The following FOCAD variants were observed in gnomAD, a reference collection of about 807,000 sequenced individuals.
The protein encoded by FOCAD is KIAA1797.
FOCAD carries 198 observed loss-of-function variants against 225.6 expected under a neutral mutation model. The observed-to-expected ratio is 0.88, with a 90% CI of 0.78 to 0.99. The LOEUF (loss-of-function observed/expected upper bound fraction) is 0.99. FOCAD is among the 50% of genes least tolerant of loss of function. The pLI, the probability that FOCAD is intolerant of heterozygous loss-of-function variation, is 0.00. For missense variants in FOCAD, 2,713 were observed against 2,123.6 expected (o/e 1.28, Z -5.46); for synonymous variants, 897 against 755.0 (o/e 1.19, Z -3.08).
intron 21 of FOCAD, among the ~76,000 whole-genome samples, chr9:20,895,171 G>C (rs1171132626): frequency 6.6e-6 from 1 of 151,840 alleles, no homozygotes; most frequent in African/African-American, 2.4e-5. Context: ...CTGTTTCTTT[G>C]ATCTATTTCT....
chr9:20,885,683 A>G (rs921650364), intron 21 of FOCAD, among the ~76,000 whole-genome samples: 7 of 152,170 alleles, frequency 4.6e-5, no homozygotes, highest in African/African-American at 1.7e-4. Context: ...CCTTTCAGCT[A>G]CCTTTTAAAA....
intron 21 of FOCAD, among the ~76,000 whole-genome samples, chr9:20,894,669 C>A (rs1444164283): frequency 6.6e-6 from 1 of 152,006 alleles, no homozygotes; most frequent in Non-Finnish European, 1.5e-5. Flanking sequence ...ATTTTAAAAT[C>A]TGGTTGTTAG....
At chr9:20,838,255 C>T (rs913884915) in intron 15 of FOCAD, among the ~76,000 whole-genome samples, 26 of 151,588 alleles carry the variant, frequency 1.7e-4, no homozygotes, top group Admixed American at 1.5e-3. Flanking sequence ...ATTTAGATGA[C>T]ATTATACCAC....
chr9:20,771,556 C>G (rs1279133775), intron 8 of FOCAD, among the ~76,000 whole-genome samples: 2 of 152,056 alleles, frequency 1.3e-5, no homozygotes, highest in South Asian at 2.1e-4. Flanking sequence ...GCCAGGAGTT[C>G]GAGAGCAGCC....
At chr9:20,977,454 CTA>C (rs1840319744) in intron 36 of FOCAD, among the ~76,000 whole-genome samples, 1 of 152,108 alleles carries the variant, frequency 6.6e-6, no homozygotes, top group Non-Finnish European at 1.5e-5. Context: ...CCACAGCAAC[CTA>C]TTTTATACAG....
chr9:20,730,610 G>A (rs969983440), intron 4 of FOCAD, among the ~76,000 whole-genome samples: 4 of 152,092 alleles, frequency 2.6e-5, no homozygotes, highest in Non-Finnish European at 5.9e-5. Flanking sequence ...AAATCTTATT[G>A]CTATTCAGTG....
chr9:20,686,340 A>C lies in FOCAD; in HGVS notation c.-33+2047A>C, dbSNP rs531554797. Among the ~76,000 whole-genome samples the C allele has an allele frequency of 3.3e-5, 5 of 152,246 alleles. No homozygotes were observed. In the South Asian group the frequency reaches 1.0e-3, roughly 32 times the overall value. On this transcript the variant is annotated intron_variant, in intron 1 of 43. Transcript: ENST00000338382. ...CCCAGCTAATTTTTGTATTTTTAGT[A>C]GAGACGGAGTTTCACCATGTTGGCC...
intron 4 of FOCAD, among the ~76,000 whole-genome samples, chr9:20,721,499 C>T (rs1306888990): frequency 6.6e-6 from 1 of 151,916 alleles, no homozygotes. Context: ...GTCAGGAGTT[C>T]GAGACCAGCC....
At chr9:20,885,730 A>G (rs1345248788) in intron 21 of FOCAD, among the ~76,000 whole-genome samples, 1 of 152,206 alleles carries the variant, frequency 6.6e-6, no homozygotes, top group Non-Finnish European at 1.5e-5. Flanking sequence ...ATTTATATGA[A>G]ATCTGATTAT....
intron 33 of FOCAD, 72 bp from the exon 34 acceptor site, chr9:20,950,924 C>T (rs1837626071): frequency 1.5e-6 from 2 of 1,337,708 alleles, no homozygotes; most frequent in African/African-American, 1.4e-5. Flanking sequence ...TGGTGACTTT[C>T]TGTGAGTGAC....
intron 19 of FOCAD, 75 bp downstream of exon 19, chr9:20,874,882 A>G (rs2131796336): frequency 6.4e-7 from 1 of 1,555,940 alleles, no homozygotes; most frequent in Non-Finnish European, 8.9e-7. Flanking sequence ...CTTTTGTGAT[A>G]GGTACATAGT....
At chr9:20,858,331 G>A (rs991766123) in intron 15 of FOCAD, among the ~76,000 whole-genome samples, 4 of 152,014 alleles carry the variant, frequency 2.6e-5, no homozygotes, top group Non-Finnish European at 5.9e-5. Flanking sequence ...GGCCATATGT[G>A]TCTAAGAATT....
chr9:20,890,202 C>T (rs1831494180), intron 21 of FOCAD, among the ~76,000 whole-genome samples: 2 of 151,590 alleles, frequency 1.3e-5, no homozygotes, highest in African/African-American at 2.4e-5. Context: ...CTATCTAGGG[C>T]CATCATTACA....
chr9:20,772,973 T>C (rs1222775182), intron 8 of FOCAD, among the ~76,000 whole-genome samples: 1 of 37,410 alleles, frequency 2.7e-5, no homozygotes, highest in African/African-American at 1.0e-4. Flanking sequence ...ATAGATAGTA[T>C]ATAAATGCAT....
chr9:20,758,512 C>T (rs1171037361), intron 6 of FOCAD, among the ~76,000 whole-genome samples: 1 of 138,652 alleles, frequency 7.2e-6, no homozygotes, highest in East Asian at 2.4e-4. Flanking sequence ...CTATCCCTCC[C>T]CCCTCCCCCA....
chr9:20,659,936 G>C (rs1821662226), intron 2 of FOCAD, among the ~76,000 whole-genome samples: 1 of 152,144 alleles, frequency 6.6e-6, no homozygotes, highest in Admixed American at 6.6e-5. Context: ...TGGAGAGAGA[G>C]TGGATAAGTT....
chr9:20,788,110 C>A (rs913827807), intron 10 of FOCAD, among the ~76,000 whole-genome samples: 3 of 152,070 alleles, frequency 2.0e-5, no homozygotes, highest in Non-Finnish European at 4.4e-5. Flanking sequence ...ATAGTGTATC[C>A]ATACAATGGA....
intron 21 of FOCAD, among the ~76,000 whole-genome samples, chr9:20,887,358 C>G (rs1057048998): frequency 1.3e-5 from 2 of 152,070 alleles, no homozygotes; most frequent in Admixed American, 6.5e-5. Flanking sequence ...CCTCAGCCTC[C>G]CGAGTAGCTG....
In FOCAD at chr9:20,901,190, CAATG is replaced by C. The variant is rs764636074; in HGVS notation, c.2626-5959_2626-5956del. ...GTTTTTTTTTCTGGGAATGTGGAAA[CAATG>C]TGTGTGTGTGTGTGTGTGTGTGTGT... is the stretch of plus-strand genomic sequence containing the variant. On this transcript the variant is annotated intron_variant, in intron 21 of 43. Transcript: ENST00000338382. 2.5e-3 allele frequency among the ~76,000 whole-genome samples: 260 copies of C among 103,502 alleles called. 3 individuals are homozygous for C. Among genetic ancestry groups the C allele is most frequent in the Admixed American group, 0.013 (117 of 9,186 alleles). 67.9% of individuals were successfully genotyped at this position (103,502 alleles called of 152,430 possible).
Sources: gnomAD v4.1 joint callset for allele counts (sites outside exome capture counted in the v4.1 genomes callset) on GRCh38, gnomAD v4.1.1 for gene constraint, MANE v1.5 for transcripts, NCBI Gene and HGNC (gene_info 2026-07-23, HGNC 2026-07-21) for gene names.